NCKAP5: variants seen among roughly 807,000 people sequenced by gnomAD.
NCKAP5 encodes the protein NCK associated protein 5, also known as nck-associated protein 5.
Under a neutral mutation model 167.0 loss-of-function variants are expected in NCKAP5, and 92 were observed. The observed-to-expected ratio is 0.55, with a 90% CI of 0.47 to 0.66. NCKAP5 has a LOEUF of 0.66. Ranked by LOEUF, NCKAP5 falls within the 30% of genes least tolerant of loss-of-function variation. The probability of loss-of-function intolerance (pLI) is 0.00; values close to 1 mark genes in which losing one functional copy is unlikely to be tolerated. For missense variants in NCKAP5, 2,378 were observed against 2,315.0 expected (o/e 1.03, Z -0.56); for synonymous variants, 891 against 877.4 (o/e 1.02, Z -0.27).
intron 11 of NCKAP5, among the ~76,000 whole-genome samples, chr2:132,809,016 G>A (rs538272768): frequency 1.4e-3 from 207 of 152,058 alleles, no homozygotes; most frequent in African/African-American, 4.7e-3. Context: ...TCTTGATTTG[G>A]TTTTTGACCC....
chr2:133,447,466 C>T (rs1326570690), intron 3 of NCKAP5, among the ~76,000 whole-genome samples: 1 of 148,840 alleles, frequency 6.7e-6, no homozygotes, highest in East Asian at 2.0e-4. Flanking sequence ...TCCTTCCTTT[C>T]CCCTTCCTTT....
At chr2:133,475,204 A>G (rs1419578136) in intron 3 of NCKAP5, among the ~76,000 whole-genome samples, 1 of 152,214 alleles carries the variant, frequency 6.6e-6, no homozygotes, top group Non-Finnish European at 1.5e-5. Flanking sequence ...AATTAAACAT[A>G]TCTGCAGGCT....
At chr2:133,512,699 GGAA>G (rs1200891381) in intron 3 of NCKAP5, among the ~76,000 whole-genome samples, 3 of 152,188 alleles carry the variant, frequency 2.0e-5, no homozygotes, top group African/African-American at 7.2e-5. Flanking sequence ...TTCAATATGA[GGAA>G]GAAGTTTCCC....
chr2:132,847,847 G>T (rs754577200), intron 11 of NCKAP5, among the ~76,000 whole-genome samples: 1 of 152,154 alleles, frequency 6.6e-6, no homozygotes, highest in Admixed American at 6.5e-5. Flanking sequence ...GCTAACCCAC[G>T]GTGACAGAAA....
chr2:133,046,555 T>G (rs1051554486), intron 6 of NCKAP5, among the ~76,000 whole-genome samples: 1 of 152,022 alleles, frequency 6.6e-6, no homozygotes, highest in African/African-American at 2.4e-5. Flanking sequence ...ATTTTTTAAT[T>G]TTTTATAGAG....
intron 3 of NCKAP5, among the ~76,000 whole-genome samples, chr2:133,320,541 A>G (rs1681963399): frequency 6.6e-6 from 1 of 152,152 alleles, no homozygotes; most frequent in Non-Finnish European, 1.5e-5. Flanking sequence ...ATCCTGGCTA[A>G]CATGGTGAAA....
In NCKAP5 at chr2:133,130,051, G is replaced by A. The variant is rs754820745; in HGVS notation, c.268C>T (p.Arg90Trp). 8.1e-6 allele frequency: 13 copies of A among 1,611,332 alleles called. No individual in the cohort carries two copies. Among genetic ancestry groups the A allele is most frequent in the South Asian group, 7.7e-5 (7 of 90,492 alleles). Residue 90 changes from arginine (R) to tryptophan (W), a missense_variant, in exon 6 of 20, where the codon CGG (arginine) becomes TGG (tryptophan). This residue lies in a region of NCKAP5 where 1,049 missense variants were observed against 1,023.4 expected (regional missense o/e 1.02). Coordinates refer to ENST00000409261, the MANE Select transcript of NCKAP5 (RefSeq NM_207363.3). ...GACTCTAGGGTCACCTCCTGCAACC[G>A]CTTCTCGCTTTGAAGACGTAAGTGT... is the stretch of plus-strand genomic sequence containing the variant. ...ERHLRLQSEK[R>W]LQEVTLESER...
the NCKAP5 span, among the ~76,000 whole-genome samples, chr2:133,641,686 G>T: frequency 6.6e-6 from 1 of 152,178 alleles, no homozygotes. Context: ...GGGAGGCTGT[G>T]GTTCATCCAG....
chr2:133,666,077 A>T, the NCKAP5 span, among the ~76,000 whole-genome samples: 1 of 151,760 alleles, frequency 6.6e-6, no homozygotes, highest in Non-Finnish European at 1.5e-5. Context: ...GCAGATACAT[A>T]TATGTAGAGA....
At chr2:133,220,023 T>C (rs773886789) in intron 4 of NCKAP5, among the ~76,000 whole-genome samples, 1 of 152,238 alleles carries the variant, frequency 6.6e-6, no homozygotes, top group Non-Finnish European at 1.5e-5. Flanking sequence ...ATCTTTTTCA[T>C]GCAAATTCAC....
chr2:133,632,983 G>A, the NCKAP5 span, among the ~76,000 whole-genome samples: 1 of 152,144 alleles, frequency 6.6e-6, no homozygotes, highest in Non-Finnish European at 1.5e-5. Context: ...CGGTAGCTTG[G>A]CTGGCCCAGA....
chr2:133,166,108 CAGAG>C (rs1196684957), intron 5 of NCKAP5, among the ~76,000 whole-genome samples: 1 of 151,968 alleles, frequency 6.6e-6, no homozygotes, highest in Admixed American at 6.6e-5. Context: ...TGAGGTCCAT[CAGAG>C]AAAGTCTATC....
chr2:132,889,958 A>G (rs1332529095), intron 8 of NCKAP5, among the ~76,000 whole-genome samples: 2 of 152,186 alleles, frequency 1.3e-5, no homozygotes, highest in African/African-American at 2.4e-5. Flanking sequence ...AGGCAAAAAG[A>G]GAGAGAAAGA....
At chr2:132,854,992 A>G (rs181704319) in intron 11 of NCKAP5, among the ~76,000 whole-genome samples, 10 of 152,264 alleles carry the variant, frequency 6.6e-5, no homozygotes, top group Admixed American at 5.9e-4. Context: ...AGTGTGAAGC[A>G]AGTCTATAGA....
the NCKAP5 span, among the ~76,000 whole-genome samples, chr2:133,615,078 A>C: frequency 4.0e-5 from 6 of 150,858 alleles, no homozygotes; most frequent in Non-Finnish European, 6.0e-5. Flanking sequence ...GAAATAAAAT[A>C]CTTTACAGAC....
chr2:132,781,282 A>G, intron 14 of NCKAP5, 53 bp from the exon 15 acceptor site: 1 of 1,526,616 alleles, frequency 6.6e-7, no homozygotes. Flanking sequence ...TTCTTCAATC[A>G]CTCTCCTTTT....
At chr2:133,194,099 T>C (rs771403595) in intron 5 of NCKAP5, among the ~76,000 whole-genome samples, 5 of 152,114 alleles carry the variant, frequency 3.3e-5, no homozygotes, top group Non-Finnish European at 7.4e-5. Context: ...ATGTTCTCAT[T>C]AGTATGCACT....
At chr2:132,798,343 T>C (rs1278206022) in intron 11 of NCKAP5, among the ~76,000 whole-genome samples, 3 of 152,226 alleles carry the variant, frequency 2.0e-5, no homozygotes, top group South Asian at 2.1e-4. Flanking sequence ...AACAAAAAGA[T>C]GTCTTTATAT....
At chr2:133,078,754 A>G (rs2080701849) in intron 6 of NCKAP5, among the ~76,000 whole-genome samples, 1 of 152,046 alleles carries the variant, frequency 6.6e-6, no homozygotes, top group South Asian at 2.1e-4. Context: ...TTCACTTCAG[A>G]TGGATTTCAT....
Sources: allele counts gnomAD v4.1 joint callset (sites outside exome capture counted in the v4.1 genomes callset), GRCh38; gene constraint gnomAD v4.1.1; regional missense constraint gnomAD v4.1.1; transcripts MANE v1.5; gene names NCBI Gene and HGNC (gene_info 2026-07-23, HGNC 2026-07-21).